SIMC1: variants seen among roughly 807,000 people sequenced by gnomAD.
SIMC1 encodes the protein SUMO-interacting motif-containing protein 1.
Under a neutral mutation model 82.3 loss-of-function variants are expected in SIMC1, and 55 were observed. That is an observed-to-expected ratio of 0.67 (90% CI 0.54 to 0.84). SIMC1 has a LOEUF of 0.84. Among genes scored for constraint, SIMC1 ranks in the 40% least tolerant of loss-of-function variants. The pLI, the probability that SIMC1 is intolerant of heterozygous loss-of-function variation, is 0.00. For synonymous variants in SIMC1, 353 were observed against 426.3 expected, an observed-to-expected ratio of 0.83 and a Z score of 2.12; for missense variants, 915 against 1,107.2, an observed-to-expected ratio of 0.83 and a Z score of 2.46.
intron 9 of SIMC1, among the ~76,000 whole-genome samples, chr5:176,342,282 T>TCTATAGATA (rs1766183531): frequency 6.6e-6 from 1 of 152,176 alleles, no homozygotes; most frequent in African/African-American, 2.4e-5. Context: ...ACCCTCTAAG[T>TCTATAGATA]CTATAGATAC....
intron 4 of SIMC1, chr5:176,308,242 C>T (rs2113330129): frequency 1.3e-6 from 2 of 1,544,008 alleles, no homozygotes; most frequent in East Asian, 4.5e-5. Context: ...CTGAAATGCG[C>T]ACAGTTGCTG....
chr5:176,280,616 T>A (rs1581247729), intron 1 of SIMC1, among the ~76,000 whole-genome samples: 1 of 152,208 alleles, frequency 6.6e-6, no homozygotes, highest in East Asian at 1.9e-4. Context: ...CAGGAGCTCT[T>A]GTACGGCAGG....
intron 4 of SIMC1, among the ~76,000 whole-genome samples, chr5:176,309,705 A>G (rs1187992473): frequency 6.6e-6 from 1 of 152,166 alleles, no homozygotes; most frequent in Non-Finnish European, 1.5e-5. Context: ...GGAGGCCAAG[A>G]TGGGAGGAGT....
intron 1 of SIMC1, among the ~76,000 whole-genome samples, chr5:176,276,315 G>T (rs1762692446): frequency 2.0e-5 from 3 of 151,412 alleles, no homozygotes; most frequent in African/African-American, 7.3e-5. Flanking sequence ...GATCGGTGGT[G>T]ATCTCCCCTT....
intron 1 of SIMC1, among the ~76,000 whole-genome samples, chr5:176,246,450 T>TG (rs1561668440): frequency 1.3e-4 from 14 of 109,554 alleles, no homozygotes; most frequent in African/African-American, 2.3e-4. Flanking sequence ...GTGTGTGTGT[T>TG]GTTTGTTTGT....
chr5:176,292,339 C>G (rs1428689084), intron 2 of SIMC1, among the ~76,000 whole-genome samples: 4 of 152,116 alleles, frequency 2.6e-5, no homozygotes, highest in African/African-American at 4.8e-5. Flanking sequence ...CATCCCATCC[C>G]CCATATTAAG....
At chr5:176,321,885 C>CTTTTTTTTTTTTTTTTTTTTTT (rs11418187) in intron 5 of SIMC1, among the ~76,000 whole-genome samples, 2 of 90,720 alleles carry the variant, frequency 2.2e-5, no homozygotes, top group Non-Finnish European at 4.0e-5. Context: ...TTTTAGTTAG[C>CTTTTTTTTTTTTTTTTTTTTTT]TTTTTTTTTT....
At chr5:176,262,283 A>T (rs1320447719) in intron 1 of SIMC1, among the ~76,000 whole-genome samples, 4 of 12,172 alleles carry the variant, frequency 3.3e-4, no homozygotes, top group Non-Finnish European at 7.5e-4. Context: ...ATGATTTAAA[A>T]AAAAAAAAAA....
rs752279440 is a variant in SIMC1, at chr5:176,294,981, A to G, written c.1432-49A>G. ...CTCCGTCTCAAAAAAAAAAAAAAAA[A>G]AAAAAGAAAAGAAATCCCTCCTAAT... On this transcript the variant is annotated intron_variant, in intron 2 of 9. Transcript: ENST00000429602. 2,413 of 1,539,116 alleles carry G rather than the reference A, an allele frequency of 1.6e-3. 11 individuals are homozygous for G. The highest frequency in any genetic ancestry group is 4.1e-3 in the African/African-American group (289 of 71,116).
chr5:176,323,125 T>C (rs1765233958), intron 6 of SIMC1, among the ~76,000 whole-genome samples: 1 of 152,230 alleles, frequency 6.6e-6, no homozygotes, highest in Admixed American at 6.5e-5. Context: ...ACCAACCTGA[T>C]TTTTATGGAA....
At chr5:176,341,578 G>A (rs1221346024) in intron 9 of SIMC1, among the ~76,000 whole-genome samples, 1 of 152,238 alleles carries the variant, frequency 6.6e-6, no homozygotes, top group East Asian at 1.9e-4. Flanking sequence ...CAGAAGGACA[G>A]TGGAGAAGGC....
intron 4 of SIMC1, among the ~76,000 whole-genome samples, chr5:176,301,584 C>G (rs1436173902): frequency 2.6e-5 from 4 of 152,114 alleles, no homozygotes; most frequent in African/African-American, 9.7e-5. Context: ...TCAAGACCAG[C>G]ATGACCAACA....
At chr5:176,245,475 C>T (rs1761405498) in intron 1 of SIMC1, among the ~76,000 whole-genome samples, 1 of 152,146 alleles carries the variant, frequency 6.6e-6, no homozygotes, top group African/African-American at 2.4e-5. Context: ...TTAAATCCAC[C>T]TAGTTTCTGG....
intron 7 of SIMC1, among the ~76,000 whole-genome samples, chr5:176,335,515 C>A (rs1459704060): frequency 6.6e-6 from 1 of 151,658 alleles, no homozygotes; most frequent in Non-Finnish European, 1.5e-5. Context: ...TGAGCTCAGG[C>A]AGTCCACCCG....
rs890955209 is a variant in SIMC1 at position 176,345,302 on chromosome 5, C to G, written c.2533C>G (p.Arg845Gly). Residue 845 changes from arginine to glycine, a missense_variant, in exon 10 of 10, where the codon CGC becomes GGC. Arg to Gly is a moderately radical substitution (Grantham distance 125, BLOSUM62 -2). Transcript: ENST00000429602. The stretch of plus-strand genomic sequence containing the variant: ...CGTAGAGAAGCAGATTGAGGCCTTC[C>G]GCAGCCGCCTGATCCAGATGCTGGG... ...VDVEKQIEAFRSRLIQMLGEP... is the reference protein window; with the variant it reads ...VDVEKQIEAFGSRLIQMLGEP... 1.2e-6 allele frequency: 2 copies of G among 1,613,826 alleles called. No individual in the cohort carries two copies. Among genetic ancestry groups the G allele is most frequent in the Admixed American group, 1.7e-5 (1 of 59,998 alleles).
chr5:176,335,255 G>GTTGGCCT (rs1765839049), intron 7 of SIMC1, among the ~76,000 whole-genome samples: 1 of 141,780 alleles, frequency 7.1e-6, no homozygotes, highest in African/African-American at 2.6e-5. Flanking sequence ...GGATCTAGAT[G>GTTGGCCT]TTGGCCTTTC....
At chr5:176,298,923 C>T (rs905080791) in intron 4 of SIMC1, among the ~76,000 whole-genome samples, 1 of 152,132 alleles carries the variant, frequency 6.6e-6, no homozygotes, top group African/African-American at 2.4e-5. Flanking sequence ...GAAAAGGCTA[C>T]AAGACGTATA....
intron 1 of SIMC1, among the ~76,000 whole-genome samples, chr5:176,276,676 C>A (rs557019433): frequency 2.8e-5 from 4 of 144,348 alleles, no homozygotes; most frequent in Non-Finnish European, 6.1e-5. Context: ...CAATTCCCAC[C>A]TATGAGTGAG....
intron 1 of SIMC1, among the ~76,000 whole-genome samples, chr5:176,281,970 A>G (rs1199727394): frequency 6.6e-6 from 1 of 152,212 alleles, no homozygotes; most frequent in Non-Finnish European, 1.5e-5. Context: ...GCTGTCAGAC[A>G]GGGACATTTA....
Sources: allele counts gnomAD v4.1 joint callset (sites outside exome capture counted in the v4.1 genomes callset), GRCh38; gene constraint gnomAD v4.1.1; transcripts MANE v1.5; gene names NCBI Gene and HGNC (gene_info 2026-07-23, HGNC 2026-07-21).